Variants in ERC2 observed in about 807,000 individuals in gnomAD.
ERC2 encodes the protein ELKS/RAB6-interacting/CAST family member 2.
Under a neutral mutation model 114.8 loss-of-function variants are expected in ERC2, and 42 were observed. The ratio of observed to expected loss-of-function variants is 0.37; its 90% CI spans 0.29 to 0.47. ERC2 has a LOEUF of 0.47. ERC2 is among the 20% of genes least tolerant of loss of function. ERC2 has a pLI of 0.99. For missense variants in ERC2, 939 were observed against 1,150.7 expected (o/e 0.82, Z 2.66); for synonymous variants, 454 against 425.5 (o/e 1.07, Z -0.82).
At chr3:56,034,199 C>T (rs1357169063) in intron 7 of ERC2, among the ~76,000 whole-genome samples, 1 of 152,056 alleles carries the variant, frequency 6.6e-6, no homozygotes, top group African/African-American at 2.4e-5. Flanking sequence ...AGACAAAAGA[C>T]ACTTTAAGTC....
chr3:56,122,956 G>A (rs565802011), intron 6 of ERC2, among the ~76,000 whole-genome samples: 50 of 151,930 alleles, frequency 3.3e-4, no homozygotes, highest in African/African-American at 1.1e-3. Context: ...TCTTCATACC[G>A]CAAGTTCAAC....
At chr3:56,427,107 A>G (rs543528306) in intron 2 of ERC2, among the ~76,000 whole-genome samples, 1 of 150,900 alleles carries the variant, frequency 6.6e-6, no homozygotes, top group South Asian at 2.1e-4. Context: ...GGTTGCAGTG[A>G]GCTGTGATCA....
chr3:56,375,432 T>C (rs2059503480), intron 2 of ERC2, among the ~76,000 whole-genome samples: 1 of 152,206 alleles, frequency 6.6e-6, no homozygotes, highest in African/African-American at 2.4e-5. Context: ...GAGAGAATTT[T>C]TGTTGAGGTT....
intron 2 of ERC2, among the ~76,000 whole-genome samples, chr3:56,311,921 C>A (rs2150397618): frequency 6.6e-6 from 1 of 151,180 alleles, no homozygotes; most frequent in East Asian, 1.9e-4. Context: ...TTCAACTAAC[C>A]ACGGGTTAAA....
At chr3:56,097,182 C>T (rs2078108742) in intron 6 of ERC2, among the ~76,000 whole-genome samples, 3 of 152,200 alleles carry the variant, frequency 2.0e-5, no homozygotes, top group Admixed American at 2.0e-4. Flanking sequence ...GGACTTGTTA[C>T]AGCCTCTTCC....
At chr3:55,969,528 T>C (rs745841204) in intron 12 of ERC2, among the ~76,000 whole-genome samples, 6 of 151,896 alleles carry the variant, frequency 4.0e-5, no homozygotes, top group Admixed American at 6.6e-5. Flanking sequence ...GAAGAACACA[T>C]AGCATCACAG....
chr3:56,224,386 A>G (rs2050117780), intron 3 of ERC2, among the ~76,000 whole-genome samples: 1 of 152,214 alleles, frequency 6.6e-6, no homozygotes, highest in Non-Finnish European at 1.5e-5. Context: ...AATAAGAAAG[A>G]TAAAAATGAC....
At chr3:56,398,480 CATACTT>C (rs1278762563) in intron 2 of ERC2, among the ~76,000 whole-genome samples, 1 of 152,002 alleles carries the variant, frequency 6.6e-6, no homozygotes, top group East Asian at 1.9e-4. Context: ...ACATTTGAGA[CATACTT>C]ATACTAGAAA....
intron 17 of ERC2, among the ~76,000 whole-genome samples, chr3:55,551,969 G>C (rs1471348553): frequency 6.6e-6 from 1 of 151,790 alleles, no homozygotes; most frequent in Middle Eastern, 3.2e-3. Context: ...TTTTTCTGTT[G>C]GTGAAGTGTT....
chr3:56,465,158 G>A (rs1202312441), intron 1 of ERC2, among the ~76,000 whole-genome samples: 1 of 152,212 alleles, frequency 6.6e-6, no homozygotes, highest in East Asian at 1.9e-4. Context: ...CAGCACTTTG[G>A]GAGGCCAAGG....
intron 17 of ERC2, among the ~76,000 whole-genome samples, chr3:55,581,553 C>G (rs1485256053): frequency 3.9e-5 from 6 of 152,082 alleles, no homozygotes; most frequent in Non-Finnish European, 8.8e-5. Flanking sequence ...AGCACTATTT[C>G]CAGGTGGAAA....
At chr3:56,070,568 G>A (rs1482958527) in intron 7 of ERC2, among the ~76,000 whole-genome samples, 1 of 152,110 alleles carries the variant, frequency 6.6e-6, no homozygotes, top group South Asian at 2.1e-4. Flanking sequence ...TCCCCTGGGT[G>A]GGATCAGCTT....
At chr3:55,943,540 G>A (rs988399247) in intron 13 of ERC2, among the ~76,000 whole-genome samples, 6 of 151,686 alleles carry the variant, frequency 4.0e-5, no homozygotes, top group African/African-American at 1.5e-4. Context: ...CCTCCTTAAG[G>A]CTTTATCTTC....
chr3:56,292,562 C>T (rs1039660294), intron 3 of ERC2, among the ~76,000 whole-genome samples: 20 of 152,134 alleles, frequency 1.3e-4, no homozygotes, highest in African/African-American at 4.6e-4. Flanking sequence ...TGTACTCCAA[C>T]CTGGGTGACA....
intron 2 of ERC2, among the ~76,000 whole-genome samples, chr3:56,403,398 T>C (rs1312311816): frequency 1.3e-5 from 2 of 152,212 alleles, no homozygotes. Context: ...ACTTGGTTTA[T>C]CAGTCACACT....
intron 14 of ERC2, among the ~76,000 whole-genome samples, chr3:55,755,536 C>T (rs1008419053): frequency 2.0e-5 from 3 of 152,238 alleles, no homozygotes; most frequent in South Asian, 2.1e-4. Flanking sequence ...CCCCGAACAC[C>T]CCAATTTGGC....
intron 17 of ERC2, among the ~76,000 whole-genome samples, chr3:55,627,239 G>A (rs358919): frequency 0.55 from 83,674 of 152,004 alleles, 24,468 homozygotes; most frequent in Non-Finnish European, 0.65. Flanking sequence ...AGGCCAAGGC[G>A]GGCAGATCAC....
At chr3:56,338,612 G>A (rs1314686343) in intron 2 of ERC2, among the ~76,000 whole-genome samples, 1 of 152,132 alleles carries the variant, frequency 6.6e-6, no homozygotes, top group Non-Finnish European at 1.5e-5. Flanking sequence ...ACAAAGAAGA[G>A]TGAGTGAAGA....
chr3:56,012,474 G>A (rs1406933800), intron 8 of ERC2, among the ~76,000 whole-genome samples: 1 of 152,072 alleles, frequency 6.6e-6, no homozygotes, highest in Non-Finnish European at 1.5e-5. Context: ...GAGTCTTCTT[G>A]ACCCACAGCT....
Sources: gnomAD v4.1 joint callset for allele counts (sites outside exome capture counted in the v4.1 genomes callset) on GRCh38, gnomAD v4.1.1 for gene constraint, MANE v1.5 for transcripts, NCBI Gene and HGNC (gene_info 2026-07-23, HGNC 2026-07-21) for gene names.